The following PLEKHM3 variants were observed in gnomAD, a reference collection of about 807,000 sequenced individuals.
PLEKHM3 encodes pleckstrin homology domain containing M3.
In PLEKHM3, 45 loss-of-function variants were observed where a neutral mutation model predicts 81.8. The ratio of observed to expected loss-of-function variants is 0.55; its 90% CI spans 0.43 to 0.71. The LOEUF (loss-of-function observed/expected upper bound fraction) is 0.71, where lower values mean the gene tolerates loss of function less well. Ranked by LOEUF, PLEKHM3 falls within the 30% of genes least tolerant of loss-of-function variation. The pLI is 0.00. For missense variants in PLEKHM3, 788 were observed against 924.3 expected, an observed-to-expected ratio of 0.85 and a Z score of 1.91; for synonymous variants, 352 against 356.4, an observed-to-expected ratio of 0.99 and a Z score of 0.14.
intron 2 of PLEKHM3, among the ~76,000 whole-genome samples, chr2:207,982,867 C>T (rs180686530): frequency 6.6e-6 from 1 of 152,134 alleles, no homozygotes; most frequent in Non-Finnish European, 1.5e-5. Flanking sequence ...CATGAGCCAC[C>T]GCGCCCGGCC....
chr2:207,854,130 C>A (rs1366083080), intron 7 of PLEKHM3, among the ~76,000 whole-genome samples: 2 of 152,038 alleles, frequency 1.3e-5, no homozygotes. Context: ...GATACTTGGA[C>A]CTGAAAGGAT....
intron 1 of PLEKHM3, among the ~76,000 whole-genome samples, chr2:208,002,462 T>C (rs908038428): frequency 1.1e-4 from 17 of 152,172 alleles, no homozygotes; most frequent in African/African-American, 3.9e-4. Context: ...CTTGTGCTTC[T>C]TAGACTTAGA....
intron 5 of PLEKHM3, among the ~76,000 whole-genome samples, chr2:207,927,919 A>C (rs1030699081): frequency 6.6e-6 from 1 of 152,258 alleles, no homozygotes; most frequent in African/African-American, 2.4e-5. Flanking sequence ...GTCGTATTTC[A>C]GAATAAATCA....
intron 2 of PLEKHM3, among the ~76,000 whole-genome samples, chr2:207,995,541 A>G (rs1183615985): frequency 6.6e-6 from 1 of 152,140 alleles, no homozygotes; most frequent in Non-Finnish European, 1.5e-5. Context: ...CTAGATTCAA[A>G]TTGAGGCTCC....
intron 7 of PLEKHM3, among the ~76,000 whole-genome samples, chr2:207,846,540 T>C (rs1447896221): frequency 6.7e-6 from 1 of 149,574 alleles, no homozygotes; most frequent in African/African-American, 2.4e-5. Context: ...GGCAACATGG[T>C]GAAACCCCAT....
At chr2:207,890,756 T>C (rs1267740709) in intron 6 of PLEKHM3, among the ~76,000 whole-genome samples, 2 of 152,254 alleles carry the variant, frequency 1.3e-5, no homozygotes, top group Non-Finnish European at 2.9e-5. Context: ...GACTATATCA[T>C]GATGGCTACA....
chr2:207,961,401 GGT>G (rs1483156457), intron 3 of PLEKHM3, among the ~76,000 whole-genome samples: 3 of 152,030 alleles, frequency 2.0e-5, no homozygotes. Flanking sequence ...CACAGTCCTT[GGT>G]ACACTGATAT....
At chr2:207,889,434 A>AACACACAC (rs35082335) in intron 6 of PLEKHM3, among the ~76,000 whole-genome samples, 5,906 of 129,068 alleles carry the variant, frequency 0.046, 248 homozygotes, top group East Asian at 0.1. Context: ...GGTTTTTTTC[A>AACACACAC]ACACACACAC....
intron 1 of PLEKHM3, among the ~76,000 whole-genome samples, chr2:208,018,335 T>C (rs1270185474): frequency 7.2e-6 from 1 of 139,782 alleles, no homozygotes; most frequent in Non-Finnish European, 1.5e-5. Context: ...ATCATGCCAC[T>C]GAACTCTGAC....
intron 7 of PLEKHM3, among the ~76,000 whole-genome samples, chr2:207,858,566 T>C (rs6435397): frequency 0.062 from 9,473 of 151,782 alleles, 740 homozygotes; most frequent in African/African-American, 0.18. Context: ...ACTGCGACCT[T>C]GGCTTCCGGG....
intron 5 of PLEKHM3, among the ~76,000 whole-genome samples, chr2:207,924,011 C>T (rs1174474648): frequency 6.8e-6 from 1 of 146,542 alleles, no homozygotes; most frequent in Non-Finnish European, 1.5e-5. Flanking sequence ...CAGGTTCGAG[C>T]GATTCTGCCT....
At chr2:208,022,730 G>T (rs7570588) in intron 1 of PLEKHM3, among the ~76,000 whole-genome samples, 95,662 of 151,982 alleles carry the variant, frequency 0.63, 31,615 homozygotes, top group Non-Finnish European at 0.73. Context: ...CTCCCAACTT[G>T]TATGGGCTCC....
chr2:207,940,828 A>G (rs1474730642), intron 4 of PLEKHM3, among the ~76,000 whole-genome samples: 1 of 152,228 alleles, frequency 6.6e-6, no homozygotes, highest in East Asian at 1.9e-4. Flanking sequence ...CCCTAGATGG[A>G]TAAAAATATC....
At chr2:207,958,467 A>G (rs1475294484) in intron 3 of PLEKHM3, among the ~76,000 whole-genome samples, 1 of 152,100 alleles carries the variant, frequency 6.6e-6, no homozygotes, top group Non-Finnish European at 1.5e-5. Flanking sequence ...TATCAGTTCT[A>G]TTTTCAACAT....
At chr2:207,959,418 A>G (rs1034706876) in intron 3 of PLEKHM3, among the ~76,000 whole-genome samples, 9 of 152,216 alleles carry the variant, frequency 5.9e-5, no homozygotes, top group African/African-American at 2.2e-4. Flanking sequence ...GGGTTACCTG[A>G]AAAGCAACCT....
chr2:207,996,259 C>T lies in PLEKHM3; in HGVS notation c.610+4771G>A, dbSNP rs144572381. ...TCAGGGCAGCTTTTGAGACAAAAGC[C>T]TATGTTCATTTTTCAGTATTTACTG... On this transcript the variant is annotated intron_variant, in intron 2 of 7. Coordinates refer to ENST00000427836, the MANE Select transcript of PLEKHM3 (RefSeq NM_001080475.3). Among the ~76,000 whole-genome samples the T allele has an allele frequency of 2.5e-3, 373 of 152,130 alleles. 2 individuals are homozygous for T. Among genetic ancestry groups the T allele is most frequent in the African/African-American group, 8.4e-3 (349 of 41,510 alleles).
At chr2:207,982,939 A>G (rs1574467233) in intron 2 of PLEKHM3, among the ~76,000 whole-genome samples, 1 of 152,130 alleles carries the variant, frequency 6.6e-6, no homozygotes, top group East Asian at 1.9e-4. Context: ...ACAGTATATA[A>G]TACATATAAC....
In PLEKHM3 at chr2:207,946,449, T is replaced by C; in HGVS notation, c.1610A>G (p.Tyr537Cys). 1 of 1,614,060 alleles carries C rather than the reference T, an allele frequency of 6.2e-7. No homozygotes were observed. The highest frequency in any genetic ancestry group is 8.5e-7 in the Non-Finnish European group (1 of 1,179,926). The change falls in exon 4 of 8, where the codon TAT (tyrosine) becomes TGT (cysteine). Residue 537 changes from tyrosine (Y) to cysteine (C), a missense_variant. Coordinates refer to ENST00000427836, the MANE Select transcript of PLEKHM3 (RefSeq NM_001080475.3). ...KAKVCNYSGW[Y>C]YCSSCHVDDS... The stretch of plus-strand genomic sequence containing the variant: ...ATCCACGTGGCAGCTACTGCAGTAA[T>C]ACCACCCACTGTAGTTGCACACCTT...
chr2:207,955,227 G>A (rs1184308921), intron 3 of PLEKHM3, among the ~76,000 whole-genome samples: 2 of 152,046 alleles, frequency 1.3e-5, no homozygotes, highest in African/African-American at 2.4e-5. Context: ...TTTTATTGGT[G>A]TAAGATAAGT....
Sources: allele counts gnomAD v4.1 joint callset (sites outside exome capture counted in the v4.1 genomes callset), GRCh38; gene constraint gnomAD v4.1.1; transcripts MANE v1.5; gene names NCBI Gene and HGNC (gene_info 2026-07-23, HGNC 2026-07-21).